The following CENPI variants were observed in gnomAD, a reference collection of about 807,000 sequenced individuals.
CENPI encodes the protein FSH primary response 1.
Under a neutral mutation model 60.4 loss-of-function variants are expected in CENPI, and 4 were observed. The ratio of observed to expected loss-of-function variants is 0.07; its 90% CI spans 0.03 to 0.15. The LOEUF (loss-of-function observed/expected upper bound fraction) is 0.15. Among genes scored for constraint, CENPI ranks in the 10% least tolerant of loss-of-function variants. The probability of loss-of-function intolerance (pLI) is 1.00; values close to 1 mark genes in which losing one functional copy is unlikely to be tolerated. For missense variants in CENPI, 444 were observed against 534.5 expected (o/e 0.83, Z 1.67); for synonymous variants, 157 against 189.4 (o/e 0.83, Z 1.40).
chrX:101,106,913 T>A (rs1602763600), intron 4 of CENPI, among the ~76,000 whole-genome samples: 1 of 108,751 alleles, frequency 9.2e-6, no homozygotes, highest in East Asian at 2.9e-4. Context: ...ATAAAAAACT[T>A]AACCAGGTAT....
chrX:101,174,643 A>G, the CENPI span, among the ~76,000 whole-genome samples: 1 of 110,155 alleles, frequency 9.1e-6, no homozygotes, highest in African/African-American at 3.3e-5. Context: ...GATGGTGACA[A>G]TAGACACTGG....
At chrX:101,108,162 C>A (rs780379782) in intron 4 of CENPI, among the ~76,000 whole-genome samples, 1 of 111,375 alleles carries the variant, frequency 9.0e-6, no homozygotes, top group Non-Finnish European at 1.9e-5. Flanking sequence ...GCAACCTCCA[C>A]CTTCCAGGCT....
intron 6 of CENPI, among the ~76,000 whole-genome samples, chrX:101,117,991 C>G (rs749385803): frequency 4.5e-5 from 5 of 111,867 alleles, no homozygotes; most frequent in African/African-American, 1.6e-4. Flanking sequence ...CACAATATTT[C>G]TATAGATGGT....
chrX:101,132,234 T>A lies in CENPI; in HGVS notation c.1332T>A (p.Pro444=), dbSNP rs1830199487. The A allele has an allele frequency of 8.3e-7, 1 of 1,207,648 alleles. No individual in the cohort carries two copies. The highest frequency in any genetic ancestry group is 1.7e-5 in the African/African-American group (1 of 57,239). The change falls in exon 14 of 22, where the codon CCT becomes CCA. Residue 444 remains proline (P), a synonymous_variant. Coordinates refer to ENST00000682095, the MANE Select transcript of CENPI (RefSeq NM_001386188.2). ...AAGCATTCCTGTATAAGAGCCTTCCTCTCTGGGATGGCCTTTGTTGTCGGT... is the reference window on the plus strand; with the variant it reads ...AAGCATTCCTGTATAAGAGCCTTCCACTCTGGGATGGCCTTTGTTGTCGGT... The part of the protein sequence containing the change: ...SCEAFLYKSL[P]LWDGLCCRSQ...
chrX:101,158,051 A>G (rs1052636116), intron 20 of CENPI, among the ~76,000 whole-genome samples: 1 of 111,223 alleles, frequency 9.0e-6, no homozygotes, highest in African/African-American at 3.3e-5. Flanking sequence ...AGAACATGCA[A>G]TGTTTGTCTT....
At chrX:101,162,473 A>AAAAAATATATATATATATATATATATAT (rs1303045267) in intron 21 of CENPI, among the ~76,000 whole-genome samples, 1 of 68,129 alleles carries the variant, frequency 1.5e-5, no homozygotes, top group African/African-American at 6.9e-5. Flanking sequence ...AAAAAAAAAA[A>AAAAAATATATATATATATATATATATAT]ATATATATAT....
At chrX:101,116,371 A>T (rs982553555) in intron 6 of CENPI, among the ~76,000 whole-genome samples, 1 of 109,931 alleles carries the variant, frequency 9.1e-6, no homozygotes, top group African/African-American at 3.3e-5. Context: ...TCTTCTTCCA[A>T]TGTGGCCCGG....
the CENPI span, among the ~76,000 whole-genome samples, chrX:101,173,314 CTTTTTTT>C: frequency 1.2e-4 from 6 of 50,485 alleles, no homozygotes; most frequent in South Asian, 6.5e-3. Flanking sequence ...TGCCTGGCCT[CTTTTTTT>C]TTTTTTTTTT....
At chrX:101,112,867 G>A (rs894610625) in intron 6 of CENPI, among the ~76,000 whole-genome samples, 12 of 109,202 alleles carry the variant, frequency 1.1e-4, no homozygotes, top group Non-Finnish European at 2.1e-4. Context: ...CTCTGTTGCC[G>A]TGCCCGGCTG....
intron 15 of CENPI, among the ~76,000 whole-genome samples, chrX:101,138,629 A>AT (rs1334127806): frequency 1.5e-3 from 152 of 99,501 alleles, no homozygotes; most frequent in African/African-American, 3.2e-3. Context: ...CCCAGCCAAG[A>AT]TTTTTTTTTT....
Position 101,121,937 on chromosome X carries a change from G to A in CENPI, c.687+1153G>A, listed in dbSNP as rs1014244589. Reference sequence around the variant, plus strand: ...CCTGCCTCAGCCTCCCGAGTAGCTGGAACTACAGGCGCGCACCACCACGCC... The same window carrying A: ...CCTGCCTCAGCCTCCCGAGTAGCTGAAACTACAGGCGCGCACCACCACGCC... On this transcript the variant is annotated intron_variant, in intron 8 of 21. Transcript: ENST00000682095. Among the ~76,000 whole-genome samples, 94 of 107,258 alleles carry A rather than the reference G, an allele frequency of 8.8e-4. 1 individual carries two copies. Among genetic ancestry groups the A allele is most frequent in the African/African-American group, 3.1e-3 (90 of 29,288 alleles). The allele number at this position is 107,258 out of a possible 115,157, so 93.1% of individuals were successfully genotyped here. A position where few individuals can be genotyped will look rare whatever the true frequency, so the allele number is the denominator to read the frequency against.
In CENPI at chrX:101,163,120, G is replaced by T. The variant is rs774163625; in HGVS notation, c.*153G>T. On this transcript the variant is annotated 3_prime_UTR_variant, in exon 22 of 22. Coordinates refer to ENST00000682095, the MANE Select transcript of CENPI (RefSeq NM_001386188.2). ...GGCCTTCTGTTCATGGCTTAGGAGA[G>T]CCTTGGTGTGCCTAACTGATTTTTC... 26 of 511,545 alleles carry T rather than the reference G, an allele frequency of 5.1e-5. No homozygotes were observed. The African/African-American group carries it at 5.5e-4, about 11-fold the overall frequency. The allele number at this position is 511,545 out of a possible 1,213,427, so 42.2% of individuals were successfully genotyped here. A position where few individuals can be genotyped will look rare whatever the true frequency, so the allele number is the denominator to read the frequency against.
At chrX:101,119,736 C>T (rs895725818) in intron 6 of CENPI, among the ~76,000 whole-genome samples, 2 of 112,031 alleles carry the variant, frequency 1.8e-5, no homozygotes, top group African/African-American at 6.5e-5. Context: ...AAGCTGTTAA[C>T]TAAATTCTTG....
chrX:101,123,604 A>G (rs1484892087), intron 8 of CENPI, among the ~76,000 whole-genome samples: 2 of 110,380 alleles, frequency 1.8e-5, no homozygotes, highest in African/African-American at 6.6e-5. Flanking sequence ...AATTTTTTTT[A>G]GAGACGGGGG....
chrX:101,114,995 C>T (rs2089603218), intron 6 of CENPI, among the ~76,000 whole-genome samples: 1 of 109,138 alleles, frequency 9.2e-6, no homozygotes, highest in Non-Finnish European at 1.9e-5. Context: ...CAGAGTTTCA[C>T]TCTTGTCACC....
chrX:101,147,709 G>T (rs1195468316), intron 18 of CENPI, 54 bp from the exon 19 acceptor site: 6 of 921,811 alleles, frequency 6.5e-6, no homozygotes, highest in Non-Finnish European at 9.2e-6. Flanking sequence ...CATTTCAAAG[G>T]CATTATATTC....
chrX:101,119,330 CA>C (rs764201159), intron 6 of CENPI, among the ~76,000 whole-genome samples: 12 of 112,109 alleles, frequency 1.1e-4, no homozygotes, highest in Non-Finnish European at 1.9e-4. Flanking sequence ...TACAAAAATA[CA>C]AATTTGTTTA....
chrX:101,130,021 A>G lies in CENPI; in HGVS notation c.1235A>G (p.Lys412Arg), dbSNP rs2089779230. ...AAGGTGAATAATTATGAACATGGAA[A>G]AGAATTTACCAACTTCCTGGATACC... ...WYKVNNYEHG[K>R]EFTNFLDTII... Residue 412 changes from lysine (K) to arginine (R), a missense_variant, in exon 13 of 22, where the codon AAA becomes AGA. Lys to Arg is a conservative substitution (Grantham distance 26, BLOSUM62 2). Transcript: ENST00000682095. 3.3e-6 allele frequency: 4 copies of G among 1,204,613 alleles called. No homozygotes were observed. In the South Asian group the frequency reaches 7.1e-5, roughly 21 times the overall value.
intron 4 of CENPI, among the ~76,000 whole-genome samples, 175 bp from the exon 5 acceptor site, chrX:101,109,298 C>T (rs1415946979): frequency 9.1e-6 from 1 of 110,129 alleles, no homozygotes; most frequent in Non-Finnish European, 1.9e-5. Flanking sequence ...TCGGGCTGGT[C>T]TTGAACTCCC....
Sources: gnomAD v4.1 joint callset for allele counts (sites outside exome capture counted in the v4.1 genomes callset) on GRCh38, gnomAD v4.1.1 for gene constraint, MANE v1.5 for transcripts, NCBI Gene and HGNC (gene_info 2026-07-23, HGNC 2026-07-21) for gene names.